WWOX: variants seen among roughly 807,000 people sequenced by gnomAD.
WWOX encodes WW domain-containing oxidoreductase.
A neutral mutation model predicts 46.2 loss-of-function variants in WWOX; 69 were observed. The observed-to-expected ratio is 1.49, with a 90% confidence interval of 1.23 to 1.82. The LOEUF (loss-of-function observed/expected upper bound fraction) is 1.82. WWOX is among the 40% of genes most tolerant of loss of function. The pLI, the probability that WWOX is intolerant of heterozygous loss-of-function variation, is 0.00. For missense variants in WWOX, 919 were observed against 542.6 expected, an observed-to-expected ratio of 1.69 and a Z score of -6.89; for synonymous variants, 359 against 202.6, an observed-to-expected ratio of 1.77 and a Z score of -6.56.
intron 5 of WWOX, among the ~76,000 whole-genome samples, chr16:78,181,788 G>C (rs2035539528): frequency 6.6e-6 from 1 of 152,106 alleles, no homozygotes; most frequent in African/African-American, 2.4e-5. Flanking sequence ...TGTTCCCTGA[G>C]TGAAATTTCA....
At chr16:78,196,433 A>G (rs1669396942) in intron 5 of WWOX, among the ~76,000 whole-genome samples, 1 of 152,242 alleles carries the variant, frequency 6.6e-6, no homozygotes, top group Non-Finnish European at 1.5e-5. Context: ...TTTTGCAAAG[A>G]GAAATCTGAG....
At chr16:78,661,936 C>G (rs529217795) in intron 8 of WWOX, among the ~76,000 whole-genome samples, 1 of 152,064 alleles carries the variant, frequency 6.6e-6, no homozygotes, top group South Asian at 2.1e-4. Context: ...CTGAGCTACT[C>G]AGGAGGATAA....
At chr16:79,068,590 G>C (rs1178325039) in intron 8 of WWOX, among the ~76,000 whole-genome samples, 1 of 151,780 alleles carries the variant, frequency 6.6e-6, no homozygotes, top group Non-Finnish European at 1.5e-5. Flanking sequence ...GATCACTTGA[G>C]CCTAGGAGTT....
intron 8 of WWOX, among the ~76,000 whole-genome samples, chr16:79,108,646 A>G (rs927592257): frequency 2.6e-5 from 4 of 152,210 alleles, no homozygotes; most frequent in Admixed American, 2.0e-4. Flanking sequence ...TCAAGCCTGT[A>G]ATCCTAGCAC....
intron 8 of WWOX, among the ~76,000 whole-genome samples, chr16:79,046,002 A>G (rs139624758): frequency 2.0e-5 from 3 of 151,686 alleles, no homozygotes; most frequent in East Asian, 3.9e-4. Context: ...GGCTTTCACC[A>G]TGTTGGCCAG....
chr16:78,525,315 A>C (rs1042118961), intron 8 of WWOX: 1 of 150,278 alleles, frequency 6.7e-6, no homozygotes, highest in African/African-American at 2.5e-5. Context: ...CCTCCTGAGT[A>C]GCTGGGACTG....
chr16:78,482,428 A>T (rs936020783), intron 8 of WWOX, among the ~76,000 whole-genome samples: 1 of 152,126 alleles, frequency 6.6e-6, no homozygotes, highest in African/African-American at 2.4e-5. Context: ...TCACCATGTT[A>T]GCCATGCTGG....
intron 8 of WWOX, among the ~76,000 whole-genome samples, chr16:78,875,806 G>T (rs146057334): frequency 1.3e-5 from 2 of 152,310 alleles, no homozygotes; most frequent in African/African-American, 4.8e-5. Flanking sequence ...TGGTGACACG[G>T]TTATTGACTT....
At chr16:78,898,947 G>C (rs2044762865) in intron 8 of WWOX, 1 of 151,916 alleles carries the variant, frequency 6.6e-6, no homozygotes, top group African/African-American at 2.4e-5. Flanking sequence ...GTTGATTCTA[G>C]CAAACTGCTC....
intron 8 of WWOX, among the ~76,000 whole-genome samples, chr16:78,730,652 G>T (rs59715569): frequency 0.072 from 10,491 of 146,648 alleles, 1,283 homozygotes; most frequent in African/African-American, 0.25. Context: ...TAGAGACAGG[G>T]TCTTGCTGTG....
chr16:78,419,766 A>C (rs1305503586), intron 6 of WWOX, among the ~76,000 whole-genome samples: 2 of 148,446 alleles, frequency 1.3e-5, no homozygotes, highest in Non-Finnish European at 2.9e-5. Flanking sequence ...CCCTGACAGC[A>C]CAAGTGACAA....
At chr16:78,772,773 C>T (rs932659245) in intron 8 of WWOX, among the ~76,000 whole-genome samples, 1 of 152,124 alleles carries the variant, frequency 6.6e-6, no homozygotes, top group African/African-American at 2.4e-5. Flanking sequence ...AATCTCAGCG[C>T]TTTGTGGGGC....
At chr16:78,769,353 G>T (rs1009131964) in intron 8 of WWOX, among the ~76,000 whole-genome samples, 1 of 151,870 alleles carries the variant, frequency 6.6e-6, no homozygotes, top group African/African-American at 2.4e-5. Flanking sequence ...AATGTCTCTT[G>T]CTCCGCCCCC....
chr16:78,923,049 T>C (rs2045416120), intron 8 of WWOX, among the ~76,000 whole-genome samples: 1 of 150,662 alleles, frequency 6.6e-6, no homozygotes, highest in Non-Finnish European at 1.5e-5. Context: ...TGGCGCAATG[T>C]TGGTCCACCT....
chr16:78,369,061 C>CTTT (rs35263202), intron 5 of WWOX, among the ~76,000 whole-genome samples: 8 of 149,128 alleles, frequency 5.4e-5, no homozygotes, highest in Non-Finnish European at 7.5e-5. Flanking sequence ...TTTTCTTTCC[C>CTTT]TTTTTTTTTT....
chr16:78,731,674 A>C (rs547342661), intron 8 of WWOX, among the ~76,000 whole-genome samples: 1 of 152,232 alleles, frequency 6.6e-6, no homozygotes, highest in African/African-American at 2.4e-5. Flanking sequence ...TGTATGATCA[A>C]GCATCGTCAT....
At chr16:78,921,943 G>A (rs201536354) in intron 8 of WWOX, among the ~76,000 whole-genome samples, 33 of 152,252 alleles carry the variant, frequency 2.2e-4, no homozygotes, top group African/African-American at 5.5e-4. Context: ...AAATTAGATC[G>A]GGGAAGAGAC....
At chr16:78,795,916 A>C (rs1195259731) in intron 8 of WWOX, among the ~76,000 whole-genome samples, 1 of 152,234 alleles carries the variant, frequency 6.6e-6, no homozygotes, top group Non-Finnish European at 1.5e-5. Flanking sequence ...ATAAGGTTTA[A>C]GTAAGCGAAC....
intron 8 of WWOX, among the ~76,000 whole-genome samples, chr16:78,628,818 G>C (rs1431604253): frequency 6.6e-6 from 1 of 152,140 alleles, no homozygotes; most frequent in African/African-American, 2.4e-5. Flanking sequence ...GACTAGCCAG[G>C]CGCTTCCCTT....
Sources: allele counts gnomAD v4.1 joint callset (sites outside exome capture counted in the v4.1 genomes callset), GRCh38; gene constraint gnomAD v4.1.1; transcripts MANE v1.5; gene names NCBI Gene and HGNC (gene_info 2026-07-23, HGNC 2026-07-21).